Variants in ATG4C observed in about 807,000 individuals in gnomAD.
The protein encoded by ATG4C is autophagy related 4C cysteine peptidase, also known as cysteine protease ATG4C.
A neutral mutation model predicts 57.6 loss-of-function variants in ATG4C; 56 were observed. The ratio of observed to expected loss-of-function variants is 0.97; its 90% CI spans 0.78 to 1.21. The LOEUF is 1.21. ATG4C is among the 50% of genes most tolerant of loss of function. The pLI, the probability that ATG4C is intolerant of heterozygous loss-of-function variation, is 0.00. For missense variants in ATG4C, 595 were observed against 529.8 expected, an observed-to-expected ratio of 1.12 and a Z score of -1.21; for synonymous variants, 157 against 174.1, an observed-to-expected ratio of 0.90 and a Z score of 0.78.
chr1:62,832,744 A>T (rs941969592), intron 7 of ATG4C, among the ~76,000 whole-genome samples: 12 of 152,296 alleles, frequency 7.9e-5, no homozygotes, highest in African/African-American at 4.8e-5. Flanking sequence ...AGGGTTACTT[A>T]TAACAGTGAG....
chr1:62,828,892 T>C (rs1572141920), intron 6 of ATG4C, 148 bp from the exon 7 acceptor site: 1 of 641,956 alleles, frequency 1.6e-6, no homozygotes, highest in African/African-American at 1.9e-5. Context: ...ATCCTAGTGG[T>C]ATTTTTAACT....
At chr1:62,862,025 T>C (rs1024881318) in intron 10 of ATG4C, among the ~76,000 whole-genome samples, 1 of 152,192 alleles carries the variant, frequency 6.6e-6, no homozygotes, top group Non-Finnish European at 1.5e-5. Flanking sequence ...AACATCCATG[T>C]GCAGGATTTT....
At chr1:62,847,145 C>T (rs1011743988) in intron 10 of ATG4C, among the ~76,000 whole-genome samples, 7 of 152,140 alleles carry the variant, frequency 4.6e-5, no homozygotes, top group African/African-American at 9.7e-5. Flanking sequence ...CCATTGCACT[C>T]CAGCCTGGGC....
At chr1:62,843,168 A>G (rs1232846211) in intron 10 of ATG4C, among the ~76,000 whole-genome samples, 1 of 152,178 alleles carries the variant, frequency 6.6e-6, no homozygotes, top group African/African-American at 2.4e-5. Flanking sequence ...AAGCAAAATT[A>G]AAAAATGTGT....
At chr1:62,855,048 G>A (rs1213479563) in intron 10 of ATG4C, among the ~76,000 whole-genome samples, 1 of 151,818 alleles carries the variant, frequency 6.6e-6, no homozygotes, top group Non-Finnish European at 1.5e-5. Context: ...TTTGTGTATG[G>A]GGGATGGCTG....
At chr1:62,818,176 T>C (rs781633236) in intron 4 of ATG4C, among the ~76,000 whole-genome samples, 20 of 152,186 alleles carry the variant, frequency 1.3e-4, no homozygotes, top group Admixed American at 2.0e-4. Context: ...CTTTGATCTT[T>C]TATGATTTCA....
At chr1:62,808,759 A>G (rs909471269) in intron 3 of ATG4C, among the ~76,000 whole-genome samples, 1 of 152,154 alleles carries the variant, frequency 6.6e-6, no homozygotes, top group Non-Finnish European at 1.5e-5. Context: ...TTGAGAGAGC[A>G]TTTTTACTAG....
chr1:62,864,296 T>C lies in ATG4C; in HGVS notation c.*137T>C, dbSNP rs1311585153. Reference sequence around the variant, plus strand: ...CTTTAAAAAAGAACATTTGAAAATATAACAGTTAAAGATATTTTTCTAAAA... The same window carrying C: ...CTTTAAAAAAGAACATTTGAAAATACAACAGTTAAAGATATTTTTCTAAAA... On this transcript the variant is annotated 3_prime_UTR_variant, in exon 11 of 11. Coordinates refer to ENST00000317868, the MANE Select transcript of ATG4C (RefSeq NM_032852.4). 1.4e-6 allele frequency: 1 copy of C among 690,524 alleles called. No individual in the cohort carries two copies. The highest frequency in any genetic ancestry group is 1.9e-5 in the African/African-American group (1 of 53,372). 42.8% of individuals were successfully genotyped at this position (690,524 alleles called of 1,614,324 possible).
intron 10 of ATG4C, among the ~76,000 whole-genome samples, chr1:62,845,583 G>A (rs192747119): frequency 6.6e-6 from 1 of 152,026 alleles, no homozygotes; most frequent in East Asian, 1.9e-4. Flanking sequence ...TACTTTTATG[G>A]TTTTTGAATT....
intron 1 of ATG4C, among the ~76,000 whole-genome samples, chr1:62,797,139 T>C (rs1664497422): frequency 6.6e-6 from 1 of 152,032 alleles, no homozygotes; most frequent in Admixed American, 6.6e-5. Context: ...ACTAACATTA[T>C]GAACTTCTAG....
At chr1:62,786,819 A>G (rs1220422235) in intron 1 of ATG4C, among the ~76,000 whole-genome samples, 1 of 152,180 alleles carries the variant, frequency 6.6e-6, no homozygotes, top group Non-Finnish European at 1.5e-5. Flanking sequence ...TTAAAAAAGG[A>G]CTTGATGTTA....
intron 1 of ATG4C, among the ~76,000 whole-genome samples, 172 bp from the exon 2 acceptor site, chr1:62,803,547 C>G (rs903422937): frequency 6.6e-5 from 10 of 151,906 alleles, no homozygotes; most frequent in African/African-American, 2.4e-4. Flanking sequence ...TATAAGATTT[C>G]TGTTTGTAAA....
intron 10 of ATG4C, among the ~76,000 whole-genome samples, chr1:62,862,321 C>T (rs766479268): frequency 1.3e-5 from 2 of 151,848 alleles, no homozygotes; most frequent in South Asian, 2.1e-4. Context: ...TTAATAAACC[C>T]GAATAACTCC....
intron 10 of ATG4C, among the ~76,000 whole-genome samples, chr1:62,850,854 G>GTATATATATA (rs1161449502): frequency 3.7e-4 from 31 of 84,110 alleles, no homozygotes; most frequent in East Asian, 7.1e-4. Flanking sequence ...GTGTATGTAT[G>GTATATATATA]TATATATATA....
At chr1:62,851,086 A>G (rs1323678045) in intron 10 of ATG4C, among the ~76,000 whole-genome samples, 3 of 151,696 alleles carry the variant, frequency 2.0e-5, no homozygotes, top group African/African-American at 7.3e-5. Flanking sequence ...TGAATTAAAA[A>G]GACTTTGTTA....
chr1:62,857,301 A>G (rs189491647), intron 10 of ATG4C, among the ~76,000 whole-genome samples: 204 of 152,252 alleles, frequency 1.3e-3, no homozygotes, highest in Non-Finnish European at 1.1e-3. Flanking sequence ...TTAGAGTCTC[A>G]TAAGAGTGTG....
chr1:62,788,685 A>G (rs1664166667), intron 1 of ATG4C, among the ~76,000 whole-genome samples: 1 of 152,214 alleles, frequency 6.6e-6, no homozygotes, highest in Non-Finnish European at 1.5e-5. Flanking sequence ...TTATACCATT[A>G]CAAAAATACC....
At chr1:62,807,522 T>G (rs1259064959) in intron 3 of ATG4C, among the ~76,000 whole-genome samples, 1 of 152,162 alleles carries the variant, frequency 6.6e-6, no homozygotes, top group Non-Finnish European at 1.5e-5. Context: ...AAGAGGAGAT[T>G]GAGTTGATAA....
At chr1:62,812,283 C>G (rs950465716) in intron 3 of ATG4C, among the ~76,000 whole-genome samples, 8 of 152,244 alleles carry the variant, frequency 5.3e-5, no homozygotes, top group South Asian at 4.1e-4. Context: ...ACGATCACGT[C>G]GGCTTCATCC....
Sources: allele counts gnomAD v4.1 joint callset (sites outside exome capture counted in the v4.1 genomes callset), GRCh38; gene constraint gnomAD v4.1.1; transcripts MANE v1.5; gene names NCBI Gene and HGNC (gene_info 2026-07-23, HGNC 2026-07-21).